The following ZNF322 variants were observed in gnomAD, a reference collection of about 807,000 sequenced individuals.
ZNF322 encodes the protein zinc finger protein 322.
Under a neutral mutation model 18.3 loss-of-function variants are expected in ZNF322, and 1 was observed. The observed-to-expected ratio is 0.05, with a 90% CI of 0.02 to 0.26. The LOEUF (loss-of-function observed/expected upper bound fraction) is 0.26, where lower values mean the gene tolerates loss of function less well. Ranked by LOEUF, ZNF322 falls within the 10% of genes least tolerant of loss-of-function variation. ZNF322 has a pLI of 1.00. For missense variants in ZNF322, 36 were observed against 403.6 expected (o/e 0.09, Z 7.80); for synonymous variants, 17 against 130.7 (o/e 0.13, Z 5.93).
chr6:26,650,014 T>G (rs547143811), intron 2 of ZNF322, among the ~76,000 whole-genome samples: 6 of 152,072 alleles, frequency 3.9e-5, no homozygotes, highest in African/African-American at 1.4e-4. Context: ...AAACATTTTA[T>G]ATATATAAAA....
intron 2 of ZNF322, among the ~76,000 whole-genome samples, chr6:26,649,667 GTGTGTGTGTATATA>G (rs1390725408): frequency 6.8e-5 from 3 of 44,210 alleles, no homozygotes; most frequent in African/African-American, 1.7e-4. Flanking sequence ...GTGTGTGTGT[GTGTGTGTGTATATA>G]TATATATATA....
intron 2 of ZNF322, among the ~76,000 whole-genome samples, chr6:26,644,019 G>T (rs1324130576): frequency 6.6e-6 from 1 of 152,134 alleles, no homozygotes; most frequent in Non-Finnish European, 1.5e-5. Context: ...GTGGTATCTT[G>T]AAAACACGAA....
intron 2 of ZNF322, among the ~76,000 whole-genome samples, chr6:26,645,128 G>GA (rs11430350): frequency 0.12 from 17,730 of 146,858 alleles, 1,089 homozygotes; most frequent in South Asian, 0.19. Flanking sequence ...ACTTAAATAT[G>GA]AAAAAAAAAA....
intron 2 of ZNF322, among the ~76,000 whole-genome samples, chr6:26,652,542 T>C (rs1581496326): frequency 6.6e-6 from 1 of 151,860 alleles, no homozygotes. Context: ...TACAAAAAAT[T>C]AGCTGAGCCT....
intron 2 of ZNF322, among the ~76,000 whole-genome samples, chr6:26,650,139 C>T (rs782740982): frequency 5.3e-5 from 8 of 151,882 alleles, no homozygotes; most frequent in East Asian, 3.8e-4. Flanking sequence ...TGAGGGAAAA[C>T]GACAAACATC....
At position 26,649,688 on chromosome 6, in the gene ZNF322, TATATATATATA is replaced by T. The variant is rs1561924911; in HGVS notation, c.-245-5971_-245-5961del. Reference sequence around the variant, plus strand: ...GTGTGTGTGTGTGTATATATATATATATATATATATATATTTTTTTTTTTTTTTTTTTGAGA... The same window carrying T: ...GTGTGTGTGTGTGTATATATATATATTATTTTTTTTTTTTTTTTTTTGAGA... On this transcript the variant is annotated intron_variant, in intron 2 of 3. Coordinates refer to ENST00000415922, the MANE Select transcript of ZNF322 (RefSeq NM_024639.5). Among the ~76,000 whole-genome samples the T allele has an allele frequency of 9.4e-4, 80 of 85,468 alleles. 2 individuals are homozygous for T. Among genetic ancestry groups the T allele is most frequent in the Non-Finnish European group, 1.3e-3 (56 of 42,274 alleles). The allele number at this position is 85,468 out of a possible 152,430, so 56.1% of individuals were successfully genotyped here. A position where few individuals can be genotyped will look rare whatever the true frequency, so the allele number is the denominator to read the frequency against.
rs186419238 is a variant in ZNF322, at chr6:26,650,186, A to C, written c.-245-6458T>G. 4.4e-3 allele frequency among the ~76,000 whole-genome samples: 665 copies of C among 152,296 alleles called. 5 individuals are homozygous for C. The highest frequency in any genetic ancestry group is 0.013 in the African/African-American group (540 of 41,558). ...TAAGCAAAAGACAATTCTCACACAC[A>C]CAAAATATAAAAATGTCCCTTAAAT... On this transcript the variant is annotated intron_variant, in intron 2 of 3. Coordinates refer to ENST00000415922, the MANE Select transcript of ZNF322 (RefSeq NM_024639.5).
intron 2 of ZNF322, among the ~76,000 whole-genome samples, chr6:26,649,312 AAC>A: frequency 6.6e-6 from 1 of 152,248 alleles, no homozygotes; most frequent in South Asian, 2.1e-4. Context: ...TCCAGAAATA[AAC>A]ACATATAGAA....
chr6:26,644,396 C>T (rs1765518667), intron 2 of ZNF322, among the ~76,000 whole-genome samples: 1 of 152,204 alleles, frequency 6.6e-6, no homozygotes. Flanking sequence ...ACCCAGGCAA[C>T]ATATAGGGCC....
chr6:26,647,875 C>T (rs1179715582), intron 2 of ZNF322, among the ~76,000 whole-genome samples: 2 of 124,676 alleles, frequency 1.6e-5, no homozygotes, highest in South Asian at 2.9e-4. Flanking sequence ...TATCCAATAT[C>T]GCTTTTTTTT....
chr6:26,651,191 G>C (rs1554149154), intron 2 of ZNF322, among the ~76,000 whole-genome samples: 2 of 150,854 alleles, frequency 1.3e-5, no homozygotes, highest in Non-Finnish European at 2.9e-5. Flanking sequence ...ATAAATACAA[G>C]GCAGAAAAAG....
chr6:26,650,848 T>C (rs1244142512), intron 2 of ZNF322, among the ~76,000 whole-genome samples: 1 of 152,204 alleles, frequency 6.6e-6, no homozygotes, highest in Admixed American at 6.5e-5. Flanking sequence ...TATTGTCAAA[T>C]AGTCAGTTCT....
chr6:26,641,435 A>G (rs1765464746), intron 3 of ZNF322, among the ~76,000 whole-genome samples: 1 of 152,212 alleles, frequency 6.6e-6, no homozygotes, highest in African/African-American at 2.4e-5. Flanking sequence ...TAGACAAGCT[A>G]AACAAAACAG....
At chr6:26,644,225 G>A (rs1236971375) in intron 2 of ZNF322, among the ~76,000 whole-genome samples, 1 of 152,148 alleles carries the variant, frequency 6.6e-6, no homozygotes, top group Non-Finnish European at 1.5e-5. Context: ...CCAGGAGGTG[G>A]TCAATTAGGG....
At position 26,638,602 on chromosome 6, in the gene ZNF322, T is replaced by C; in HGVS notation, c.-49A>G. On this transcript the variant is annotated 5_prime_UTR_variant, in exon 4 of 4. The change abolishes an upstream ATG in the 5' untranslated region. Transcript: ENST00000415922. ...GTTTTCCGCTGGTCTTCTTGACCCATCGTTGCCCTCACAGTCATTTTCTTG... is the reference window on the plus strand; with the variant it reads ...GTTTTCCGCTGGTCTTCTTGACCCACCGTTGCCCTCACAGTCATTTTCTTG... 7.2e-7 allele frequency: 1 copy of C among 1,384,790 alleles called. No homozygotes were observed. Among genetic ancestry groups the C allele is most frequent in the Non-Finnish European group, 9.9e-7 (1 of 1,006,216 alleles). 85.8% of individuals were successfully genotyped at this position (1,384,790 alleles called of 1,614,324 possible).
chr6:26,649,679 A>G (rs1333229848), intron 2 of ZNF322, among the ~76,000 whole-genome samples: 10,001 of 41,314 alleles, frequency 0.24, 931 homozygotes, highest in African/African-American at 0.31. Context: ...GTGTGTGTAT[A>G]TATATATATA....
chr6:26,645,205 G>A (rs1554148614), intron 2 of ZNF322, among the ~76,000 whole-genome samples: 1 of 152,154 alleles, frequency 6.6e-6, no homozygotes, highest in African/African-American at 2.4e-5. Context: ...GATAACAGTG[G>A]CTACAGAAAT....
intron 3 of ZNF322, among the ~76,000 whole-genome samples, chr6:26,639,672 G>A (rs889755924): frequency 6.6e-6 from 1 of 152,058 alleles, no homozygotes; most frequent in Non-Finnish European, 1.5e-5. Context: ...AAGAAAAAAA[G>A]CCATTTTCCA....
chr6:26,658,113 C>T (rs1765814172), intron 2 of ZNF322, among the ~76,000 whole-genome samples: 2 of 152,090 alleles, frequency 1.3e-5, no homozygotes, highest in Non-Finnish European at 2.9e-5. Context: ...TGGATTATCT[C>T]ATTTAGTCCT....
Sources: gnomAD v4.1 joint callset for allele counts (sites outside exome capture counted in the v4.1 genomes callset) on GRCh38, gnomAD v4.1.1 for gene constraint, MANE v1.5 for transcripts, NCBI Gene and HGNC (gene_info 2026-07-23, HGNC 2026-07-21) for gene names.